Variants in FZD3 observed in about 807,000 individuals in gnomAD.
FZD3 encodes frizzled class receptor 3, also known as frizzled-3.
FZD3 carries 30 observed loss-of-function variants against 60.7 expected under a neutral mutation model. That is an observed-to-expected ratio of 0.49 (90% CI 0.37 to 0.67). FZD3 has a LOEUF of 0.67. Among genes scored for constraint, FZD3 ranks in the 30% least tolerant of loss-of-function variants. The pLI is 0.00. For synonymous variants in FZD3, 246 were observed against 275.2 expected, an observed-to-expected ratio of 0.89 and a Z score of 1.05; for missense variants, 605 against 838.7, an observed-to-expected ratio of 0.72 and a Z score of 3.44.
At chr8:28,524,534 A>G (rs1804666954) in intron 4 of FZD3, among the ~76,000 whole-genome samples, 2 of 152,164 alleles carry the variant, frequency 1.3e-5, no homozygotes, top group Non-Finnish European at 2.9e-5. Flanking sequence ...TTTCCTGAAA[A>G]TGATTCAGTC....
chr8:28,513,770 C>T (rs889972795), intron 3 of FZD3, among the ~76,000 whole-genome samples: 1 of 152,082 alleles, frequency 6.6e-6, no homozygotes, highest in African/African-American at 2.4e-5. Flanking sequence ...AGTCATAATA[C>T]TCCCAAACCC....
At chr8:28,520,281 G>A (rs1401707390) in intron 3 of FZD3, among the ~76,000 whole-genome samples, 2 of 150,650 alleles carry the variant, frequency 1.3e-5, no homozygotes, top group South Asian at 4.2e-4. Flanking sequence ...AAAATTTCTT[G>A]TAATCCCATC....
At chr8:28,524,753 CCT>C (rs10604903) in intron 4 of FZD3, among the ~76,000 whole-genome samples, 80,547 of 151,684 alleles carry the variant, frequency 0.53, 21,906 homozygotes, top group South Asian at 0.63. Context: ...AAGTCTGTAG[CCT>C]CTCTCTGCAA....
intron 5 of FZD3, among the ~76,000 whole-genome samples, chr8:28,540,554 A>G (rs1374513761): frequency 6.6e-6 from 1 of 152,236 alleles, no homozygotes; most frequent in African/African-American, 2.4e-5. Context: ...ATAGGAATAT[A>G]ACGTTTTCAG....
chr8:28,519,779 C>T (rs935872285), intron 3 of FZD3, among the ~76,000 whole-genome samples: 1 of 150,742 alleles, frequency 6.6e-6, no homozygotes, highest in East Asian at 2.0e-4. Flanking sequence ...AGTGAGAGAC[C>T]TTTCCCCGCC....
At chr8:28,544,813 G>A (rs1390298665) in intron 5 of FZD3, among the ~76,000 whole-genome samples, 1 of 152,114 alleles carries the variant, frequency 6.6e-6, no homozygotes. Flanking sequence ...ACCTGAAACT[G>A]GGTAATTTTT....
At chr8:28,554,761 C>T (rs1278553108) in intron 6 of FZD3, among the ~76,000 whole-genome samples, 1 of 152,010 alleles carries the variant, frequency 6.6e-6, no homozygotes, top group Non-Finnish European at 1.5e-5. Flanking sequence ...AGCCCATCTA[C>T]CCCAACAAGA....
At position 28,570,784 on chromosome 8, in the gene FZD3, A is replaced by G. The variant is rs1337144413; in HGVS notation, c.*7773A>G. The G allele has an allele frequency of 6.6e-6, 1 of 152,128 alleles. No individual in the cohort carries two copies. The highest frequency in any genetic ancestry group is 1.5e-5 in the Non-Finnish European group (1 of 68,040). The allele number at this position is 152,128 out of a possible 1,614,324, so 9.4% of individuals were successfully genotyped here. On this transcript the variant is annotated 3_prime_UTR_variant, in exon 8 of 8. Coordinates refer to ENST00000240093, the MANE Select transcript of FZD3 (RefSeq NM_017412.4). ...GCTCTGATTGTCTACATTAGCTCAT[A>G]TCAGTCTTTTGAACACTGGTTCAAA...
chr8:28,530,772 C>CA (rs1486151531), intron 5 of FZD3, among the ~76,000 whole-genome samples: 5 of 146,724 alleles, frequency 3.4e-5, no homozygotes, highest in Non-Finnish European at 7.5e-5. Context: ...AAAGCCTGTA[C>CA]AATTACCAAT....
intron 1 of FZD3, among the ~76,000 whole-genome samples, chr8:28,495,131 T>C (rs1379201486): frequency 2.0e-5 from 3 of 152,164 alleles, no homozygotes; most frequent in Non-Finnish European, 4.4e-5. Flanking sequence ...CCTAGCGGTG[T>C]TTTACATCTT....
At chr8:28,495,241 A>C (rs1473127341) in intron 1 of FZD3, among the ~76,000 whole-genome samples, 3 of 152,142 alleles carry the variant, frequency 2.0e-5, no homozygotes, top group African/African-American at 7.2e-5. Flanking sequence ...ATTGAGGCAG[A>C]GGAGTAGATT....
In FZD3 at chr8:28,528,057, T is replaced by A; in HGVS notation, c.1297T>A (p.Leu433Met). 1 of 1,613,976 alleles carries A rather than the reference T, an allele frequency of 6.2e-7. No homozygotes were observed. The change falls in exon 5 of 8, where the codon TTG (leucine) becomes ATG (methionine). Residue 433 changes from leucine (L) to methionine (M), a missense_variant. Coordinates refer to ENST00000240093, the MANE Select transcript of FZD3 (RefSeq NM_017412.4). ...VFSILYLVPL[L>M]VVIGCYFYEQ... Reference sequence around the variant, plus strand: ...CAGCATTCTTTATCTCGTACCACTCTTGGTTGTAATTGGATGCTACTTTTA... The same window carrying A: ...CAGCATTCTTTATCTCGTACCACTCATGGTTGTAATTGGATGCTACTTTTA...
Position 28,527,368 on chromosome 8 carries a change from G to A in FZD3, c.608G>A (p.Arg203His), listed in dbSNP as rs1233552350. ...AGAAGAGAAGAACTGTCATTTGCTC[G>A]CTATTTCATAGGATTGATTTCAATC... ...YFRREELSFA[R>H]YFIGLISIIC... The change falls in exon 5 of 8, where the codon CGC becomes CAC. Residue 203 changes from arginine (R) to histidine (H), a missense_variant. Transcript: ENST00000240093. This position sits in a 1 kb window ranked among gnomAD's most constrained non-coding sequence, Gnocchi z 5.0. 6.8e-6 allele frequency: 11 copies of A among 1,613,484 alleles called. No homozygotes were observed. The highest frequency in any genetic ancestry group is 1.1e-5 in the South Asian group (1 of 91,058).
chr8:28,563,251 G>A lies in FZD3; in HGVS notation c.*240G>A, dbSNP rs966761014. ...AATTCGTCTTTCTAGGTTATGAAGA[G>A]ATAATTATTTGTCTGGTAAGCATTT... On this transcript the variant is annotated 3_prime_UTR_variant, in exon 8 of 8. Transcript: ENST00000240093. 4.4e-6 allele frequency: 2 copies of A among 453,020 alleles called. No homozygotes were observed. Among genetic ancestry groups the A allele is most frequent in the Admixed American group, 3.5e-5 (1 of 28,274 alleles). 28.1% of individuals were successfully genotyped at this position (453,020 alleles called of 1,614,324 possible).
rs1805671843 is a variant in FZD3 at position 28,564,511 on chromosome 8, C to CT, written c.*1503dup. On this transcript the variant is annotated 3_prime_UTR_variant, in exon 8 of 8. Transcript: ENST00000240093. ...CTGCAGCCTGGCTTGAAACTCACTA[C>CT]TTTAACTTGCCCCTGATGATCTGTC... The CT allele has an allele frequency of 6.9e-6, 1 of 144,756 alleles. No individual in the cohort carries two copies. The highest frequency in any genetic ancestry group is 6.9e-5 in the Admixed American group (1 of 14,442). 9.0% of individuals were successfully genotyped at this position (144,756 alleles called of 1,614,324 possible). A position where few individuals can be genotyped will look rare whatever the true frequency, so the allele number is the denominator to read the frequency against.
At position 28,572,814 on chromosome 8, in the gene FZD3, G is replaced by A. The variant is rs1805830051; in HGVS notation, c.*9803G>A. On this transcript the variant is annotated 3_prime_UTR_variant, in exon 8 of 8. Coordinates refer to ENST00000240093, the MANE Select transcript of FZD3 (RefSeq NM_017412.4). ...TTTTTACCTTTATTTCATTATAAAA[G>A]TATATGAGTTGAAGATCATATAAAA... The A allele has an allele frequency of 6.6e-6, 1 of 152,012 alleles. No homozygotes were observed. The highest frequency in any genetic ancestry group is 6.5e-5 in the Admixed American group (1 of 15,268). 9.4% of individuals were successfully genotyped at this position (152,012 alleles called of 1,614,324 possible). A position where few individuals can be genotyped will look rare whatever the true frequency, so the allele number is the denominator to read the frequency against.
chr8:28,547,856 C>CTTT (rs1336981470), intron 5 of FZD3, among the ~76,000 whole-genome samples: 1 of 141,814 alleles, frequency 7.1e-6, no homozygotes, highest in Non-Finnish European at 1.5e-5. Flanking sequence ...ACAGTTGTCT[C>CTTT]TTTTTTTTTT....
chr8:28,551,663 A>G lies in FZD3; in HGVS notation c.1465A>G (p.Ile489Val), dbSNP rs1805414002. Residue 489 changes from isoleucine (I) to valine (V), a missense_variant, in exon 6 of 8, where the codon ATA (isoleucine) becomes GTA (valine). Physicochemically the swap from Ile to Val is conservative, Grantham distance 29. Transcript: ENST00000240093. ...LFLMKYLMALIVGIPSVFWVG... is the reference protein window; with the variant it reads ...LFLMKYLMALVVGIPSVFWVG... ...TCTGATGAAATACCTGATGGCTCTC[A>G]TAGTTGGCATTCCCTCTGTATTTTG... 5 of 1,611,240 alleles carry G rather than the reference A, an allele frequency of 3.1e-6. No individual in the cohort carries two copies. The African/African-American group carries it at 6.7e-5, about 22-fold the overall frequency.
chr8:28,497,952 G>T (rs1181633462), intron 1 of FZD3, among the ~76,000 whole-genome samples: 2 of 152,064 alleles, frequency 1.3e-5, no homozygotes, highest in African/African-American at 2.4e-5. Flanking sequence ...ATACTTAGTT[G>T]ATTTTATTTT....
Sources: gnomAD v4.1 joint callset for allele counts (sites outside exome capture counted in the v4.1 genomes callset) on GRCh38, gnomAD v4.1.1 for gene constraint, Gnocchi (gnomAD v3.1) non-coding constraint, MANE v1.5 for transcripts, NCBI Gene and HGNC (gene_info 2026-07-23, HGNC 2026-07-21) for gene names.